TGM2: variants seen among roughly 807,000 people sequenced by gnomAD.
TGM2 encodes the protein protein-glutamine gamma-glutamyltransferase 2.
In TGM2, 53 loss-of-function variants were observed where a neutral mutation model predicts 75.6. The ratio of observed to expected loss-of-function variants is 0.70; its 90% CI spans 0.56 to 0.88. The LOEUF (loss-of-function observed/expected upper bound fraction) is 0.88, where lower values mean the gene tolerates loss of function less well. TGM2 is among the 40% of genes least tolerant of loss of function. TGM2 has a pLI of 0.00. For synonymous variants in TGM2, 374 were observed against 381.1 expected, an observed-to-expected ratio of 0.98 and a Z score of 0.22; for missense variants, 842 against 928.5, an observed-to-expected ratio of 0.91 and a Z score of 1.21.
chr20:38,137,348 G>A (rs45491200), intron 10 of TGM2, among the ~76,000 whole-genome samples: 3,230 of 152,294 alleles, frequency 0.021, 50 homozygotes, highest in South Asian at 0.033. Context: ...AGCTGGGCAT[G>A]GTGGTGCACG....
intron 6 of TGM2, chr20:38,145,739 A>C (rs1338059044): frequency 6.9e-6 from 1 of 145,900 alleles, no homozygotes; most frequent in Non-Finnish European, 1.5e-5. Flanking sequence ...CCAGGCCTTG[A>C]CTTCAGAATT....
At chr20:38,155,626 G>T (rs1432926669) in intron 3 of TGM2, among the ~76,000 whole-genome samples, 1 of 152,178 alleles carries the variant, frequency 6.6e-6, no homozygotes, top group Admixed American at 6.5e-5. Flanking sequence ...GAGATTACAG[G>T]CATGGATCAC....
rs139675409 is a variant in TGM2, at chr20:38,140,477, A to G, written c.1099+805T>C. On this transcript the variant is annotated intron_variant, in intron 8 of 12. Transcript: ENST00000361475. ...CAGAATTCAGGGGTCTATGAACCCT[A>G]TGATGGGGAAAAAAGGGTATCTTTG... 2.5e-3 allele frequency among the ~76,000 whole-genome samples: 380 copies of G among 152,330 alleles called. 2 individuals are homozygous for G. The highest frequency in any genetic ancestry group is 6.0e-3 in the South Asian group (29 of 4,830).
intron 10 of TGM2, 109 bp downstream of exon 10, chr20:38,138,004 G>A (rs926030132): frequency 1.6e-5 from 24 of 1,482,798 alleles, no homozygotes; most frequent in Admixed American, 1.4e-4. Context: ...CAGAGTCAGC[G>A]CCATGTAAGT....
At chr20:38,156,134 TGGCAG>T in intron 2 of TGM2, 45 bp from the exon 3 acceptor site, 1 of 1,596,848 alleles carries the variant, frequency 6.3e-7, no homozygotes, top group Non-Finnish European at 8.5e-7. Context: ...GTAGCAGGGC[TGGCAG>T]GGCAGGGCAC....
intron 1 of TGM2, among the ~76,000 whole-genome samples, chr20:38,162,035 G>A (rs2075260545): frequency 6.6e-6 from 1 of 152,188 alleles, no homozygotes; most frequent in African/African-American, 2.4e-5. Flanking sequence ...TGCCCAGGCT[G>A]CTCTCGAACT....
chr20:38,161,645 G>T, intron 1 of TGM2, 46 bp from the exon 2 acceptor site: 1 of 1,608,472 alleles, frequency 6.2e-7, no homozygotes, highest in Non-Finnish European at 8.5e-7. Context: ...GCATCCTTCA[G>T]ACCTCCAGTG....
At chr20:38,154,193 T>C (rs2075153714) in intron 3 of TGM2, among the ~76,000 whole-genome samples, 1 of 152,068 alleles carries the variant, frequency 6.6e-6, no homozygotes, top group Non-Finnish European at 1.5e-5. Context: ...GAAATAAAAA[T>C]CAAAATATGG....
rs140523273 is a variant in TGM2, at chr20:38,138,285, C to G, written c.1443G>C (p.Gln481His). The G allele has an allele frequency of 5.8e-5, 94 of 1,614,096 alleles. No homozygotes were observed. In the African/African-American group the frequency reaches 1.1e-3, roughly 19 times the overall value. The change falls in exon 10 of 13, where the codon CAG becomes CAC. Residue 481 changes from glutamine (Q) to histidine (H), a missense_variant. Gln to His is a conservative substitution (Grantham distance 24). Transcript: ENST00000361475. ...CAAAGTCACTGCCCATGTTCATGCT[C>G]TGGCCCACACGGATCCGCATGGCCA... ...TGMAMRIRVG[Q>H]SMNMGSDFDV...
intron 2 of TGM2, among the ~76,000 whole-genome samples, chr20:38,156,527 C>G (rs2075189703): frequency 6.6e-6 from 1 of 152,218 alleles, no homozygotes; most frequent in East Asian, 1.9e-4. Flanking sequence ...CCTCTACCTG[C>G]TAGCGTCCCG....
Position 38,151,112 on chromosome 20 carries a change from C to T in TGM2, c.434-55G>A. 3.6e-6 allele frequency: 5 copies of T among 1,378,920 alleles called. No homozygotes were observed. In the South Asian group the frequency reaches 5.8e-5, roughly 16 times the overall value. The allele number at this position is 1,378,920 out of a possible 1,614,324, so 85.4% of individuals were successfully genotyped here. On this transcript the variant is annotated intron_variant, in intron 3 of 12. Transcript: ENST00000361475. The stretch of plus-strand genomic sequence containing the variant: ...CTGGGTCTGCGGAGGCCCAGGGTCC[C>T]TGCAAATCTGGAGTCAAGGGTGCCA...
chr20:38,146,730 G>T lies in TGM2; in HGVS notation c.846C>A (p.Ala282=). The T allele has an allele frequency of 6.2e-7, 1 of 1,612,964 alleles. No homozygotes were observed. The highest frequency in any genetic ancestry group is 8.5e-7 in the Non-Finnish European group (1 of 1,179,390). Residue 282 remains alanine, a synonymous_variant, in exon 6 of 13, where the codon GCC becomes GCA. Transcript: ENST00000361475. ...CGTGCAGCTCACCTGTGCAGGCCAC[G>T]GCGGCGAAGACCCAGCACTGGCCAT... ...VKYGQCWVFA[A]VACTVLRCLG...
At chr20:38,153,533 G>GAAAAGA (rs2075142383) in intron 3 of TGM2, among the ~76,000 whole-genome samples, 5 of 87,480 alleles carry the variant, frequency 5.7e-5, no homozygotes, top group South Asian at 8.1e-4. Flanking sequence ...TCAAAAAAAA[G>GAAAAGA]AAAAAAAAAA....
chr20:38,150,968 T>C lies in TGM2; in HGVS notation c.523A>G (p.Ile175Val). ...GFIYQGSAKFIKNIPWNFGQF... is the reference protein window; with the variant it reads ...GFIYQGSAKFVKNIPWNFGQF... Reference sequence around the variant, plus strand: ...CCAAAATTCCAAGGTATGTTCTTGATGAACTTGGCCGAGCCCTGGTAGATA... The same window carrying C: ...CCAAAATTCCAAGGTATGTTCTTGACGAACTTGGCCGAGCCCTGGTAGATA... The change falls in exon 4 of 13, where the codon ATC (isoleucine) becomes GTC (valine). Residue 175 changes from isoleucine to valine, a missense_variant. Transcript: ENST00000361475. 6.2e-7 allele frequency: 1 copy of C among 1,614,200 alleles called. No homozygotes were observed. The highest frequency in any genetic ancestry group is 8.5e-7 in the Non-Finnish European group (1 of 1,179,988).
chr20:38,156,538 C>A (rs2075190036), intron 2 of TGM2, among the ~76,000 whole-genome samples: 1 of 152,256 alleles, frequency 6.6e-6, no homozygotes, highest in African/African-American at 2.4e-5. Flanking sequence ...TAGCGTCCCG[C>A]TTTTTCTCTC....
intron 10 of TGM2, among the ~76,000 whole-genome samples, chr20:38,135,927 A>T (rs2074894949): frequency 6.6e-6 from 1 of 152,136 alleles, no homozygotes; most frequent in African/African-American, 2.4e-5. Flanking sequence ...CAGGCATGTC[A>T]TCACCCCATG....
chr20:38,164,577 C>T (rs139895208), intron 1 of TGM2, among the ~76,000 whole-genome samples: 3 of 152,080 alleles, frequency 2.0e-5, no homozygotes, highest in Non-Finnish European at 4.4e-5. Flanking sequence ...TGGGGGAAAA[C>T]AAATCTCATA....
chr20:38,146,720 T>C lies in TGM2; in HGVS notation c.856A>G (p.Thr286Ala). ...QCWVFAAVAC[T>A]VLRCLGIPTR... The stretch of plus-strand genomic sequence containing the variant: ...CACATCCCAGCGTGCAGCTCACCTG[T>C]GCAGGCCACGGCGGCGAAGACCCAG... The change falls in exon 6 of 13, where the codon ACA becomes GCA. Residue 286 changes from threonine (T) to alanine (A), a missense_variant. Transcript: ENST00000361475. 6.2e-7 allele frequency: 1 copy of C among 1,613,076 alleles called. No homozygotes were observed. The highest frequency in any genetic ancestry group is 8.5e-7 in the Non-Finnish European group (1 of 1,179,562).
chr20:38,143,393 G>C (rs45535740), intron 6 of TGM2, among the ~76,000 whole-genome samples: 1 of 152,202 alleles, frequency 6.6e-6, no homozygotes. Context: ...ACGGATGCAC[G>C]TGGCCCTATA....
Sources: allele counts gnomAD v4.1 joint callset (sites outside exome capture counted in the v4.1 genomes callset), GRCh38; gene constraint gnomAD v4.1.1; transcripts MANE v1.5; gene names NCBI Gene and HGNC (gene_info 2026-07-23, HGNC 2026-07-21).